Variants in ULK4 observed in about 807,000 individuals in gnomAD.
ULK4 encodes inactive serine/threonine-protein kinase ULK4.
Under a neutral mutation model 160.6 loss-of-function variants are expected in ULK4, and 133 were observed. The observed-to-expected ratio is 0.83, with a 90% CI of 0.72 to 0.96. The LOEUF (loss-of-function observed/expected upper bound fraction) is 0.96, where lower values mean the gene tolerates loss of function less well. Among genes scored for constraint, ULK4 ranks in the 40% least tolerant of loss-of-function variants. ULK4 has a pLI of 0.00. For missense variants in ULK4, 1,580 were observed against 1,499.5 expected (o/e 1.05, Z -0.89); for synonymous variants, 534 against 539.8 (o/e 0.99, Z 0.15).
chr3:41,943,124 A>G (rs1700010504), intron 2 of ULK4, among the ~76,000 whole-genome samples: 1 of 151,674 alleles, frequency 6.6e-6, no homozygotes, highest in African/African-American at 2.4e-5. Flanking sequence ...GAGGCAGCAG[A>G]ATGGCGTGAA....
intron 20 of ULK4, among the ~76,000 whole-genome samples, chr3:41,797,042 C>A (rs1300967113): frequency 6.6e-6 from 1 of 152,112 alleles, no homozygotes; most frequent in East Asian, 1.9e-4. Context: ...CACATTACAA[C>A]CCACTGAATA....
chr3:41,937,883 A>G (rs1161915374), intron 3 of ULK4: 2 of 348,262 alleles, frequency 5.7e-6, no homozygotes, highest in African/African-American at 2.1e-5. Context: ...TTTTATGTAT[A>G]TAACGTAATA....
intron 35 of ULK4, among the ~76,000 whole-genome samples, chr3:41,366,797 C>A (rs1399706521): frequency 6.6e-6 from 1 of 152,122 alleles, no homozygotes; most frequent in Non-Finnish European, 1.5e-5. Context: ...TCTCTCTATG[C>A]TGGGAGGGTA....
intron 16 of ULK4, among the ~76,000 whole-genome samples, 193 bp downstream of exon 16, chr3:41,895,325 T>C (rs1205035666): frequency 1.3e-5 from 2 of 152,140 alleles, no homozygotes; most frequent in East Asian, 3.8e-4. Flanking sequence ...TTTGTAATAT[T>C]AGGAGAAGGG....
chr3:41,953,905 C>T (rs1377551182), intron 2 of ULK4, among the ~76,000 whole-genome samples: 6 of 151,770 alleles, frequency 4.0e-5, no homozygotes, highest in East Asian at 1.9e-4. Context: ...AAAAATTGGC[C>T]GGGCGCGGTG....
intron 32 of ULK4, among the ~76,000 whole-genome samples, chr3:41,544,224 T>C (rs529917266): frequency 6.6e-6 from 1 of 152,320 alleles, no homozygotes; most frequent in Admixed American, 6.5e-5. Flanking sequence ...AGTGACACTT[T>C]TGTGCTAATA....
chr3:41,745,119 G>T (rs2038375274), intron 22 of ULK4, among the ~76,000 whole-genome samples: 2 of 150,986 alleles, frequency 1.3e-5, no homozygotes, highest in South Asian at 4.2e-4. Context: ...AAAAAGAAAA[G>T]GTTTCAAATC....
chr3:41,708,228 T>C (rs2036973235), intron 25 of ULK4, among the ~76,000 whole-genome samples: 1 of 152,050 alleles, frequency 6.6e-6, no homozygotes, highest in Non-Finnish European at 1.5e-5. Flanking sequence ...TGAAGAAATA[T>C]CTGCACTCCC....
chr3:41,328,665 G>C (rs989131774), intron 35 of ULK4, among the ~76,000 whole-genome samples: 1 of 152,136 alleles, frequency 6.6e-6, no homozygotes, highest in Non-Finnish European at 1.5e-5. Flanking sequence ...GAAAGGTGCT[G>C]AGCTTCCTGA....
chr3:41,926,443 T>A (rs1699387821), intron 5 of ULK4, among the ~76,000 whole-genome samples: 1 of 152,076 alleles, frequency 6.6e-6, no homozygotes, highest in East Asian at 1.9e-4. Flanking sequence ...CCTCTTCTCC[T>A]CCAAAGGATC....
intron 6 of ULK4, among the ~76,000 whole-genome samples, chr3:41,919,214 A>C (rs1699084408): frequency 6.6e-6 from 1 of 152,298 alleles, no homozygotes; most frequent in South Asian, 2.1e-4. Flanking sequence ...TATCATGAAA[A>C]ATTACCTATT....
At chr3:41,547,140 T>C (rs1039625124) in intron 32 of ULK4, among the ~76,000 whole-genome samples, 1 of 152,012 alleles carries the variant, frequency 6.6e-6, no homozygotes, top group African/African-American at 2.4e-5. Context: ...ATCATGAAAA[T>C]TGAACACAGA....
intron 35 of ULK4, among the ~76,000 whole-genome samples, chr3:41,335,422 C>G (rs1327536691): frequency 6.6e-6 from 1 of 151,998 alleles, no homozygotes; most frequent in Non-Finnish European, 1.5e-5. Flanking sequence ...ATAACTCCAT[C>G]TTCATATTAT....
intron 17 of ULK4, among the ~76,000 whole-genome samples, chr3:41,883,008 A>G (rs1301695732): frequency 1.3e-5 from 2 of 152,196 alleles, no homozygotes; most frequent in African/African-American, 2.4e-5. Context: ...GGAAAAATTT[A>G]GACTTTGTGG....
chr3:41,590,468 A>C (rs1316960417), intron 31 of ULK4, among the ~76,000 whole-genome samples: 1 of 144,774 alleles, frequency 6.9e-6, no homozygotes, highest in Non-Finnish European at 1.5e-5. Context: ...ATACAAAAAA[A>C]AAAAAAAAAA....
At chr3:41,916,741 C>T (rs967849618) in intron 7 of ULK4, among the ~76,000 whole-genome samples, 24 of 136,832 alleles carry the variant, frequency 1.8e-4, no homozygotes, top group Non-Finnish European at 2.3e-4. Context: ...GAGTTTCACT[C>T]TTCTTGCCCA....
At chr3:41,946,773 A>G (rs1700125276) in intron 2 of ULK4, among the ~76,000 whole-genome samples, 1 of 152,194 alleles carries the variant, frequency 6.6e-6, no homozygotes, top group Non-Finnish European at 1.5e-5. Flanking sequence ...CAAAGGGCCA[A>G]GAGATTTAAT....
At chr3:41,799,863 A>T (rs2040404741) in intron 20 of ULK4, among the ~76,000 whole-genome samples, 1 of 152,174 alleles carries the variant, frequency 6.6e-6, no homozygotes, top group South Asian at 2.1e-4. Flanking sequence ...ACTCTGTCTC[A>T]AAATAAATAA....
intron 34 of ULK4, among the ~76,000 whole-genome samples, chr3:41,449,881 T>C (rs1329574583): frequency 6.7e-6 from 1 of 148,506 alleles, no homozygotes; most frequent in African/African-American, 2.5e-5. Context: ...GTCTCCCAGT[T>C]ATCTAGTATA....
Sources: gnomAD v4.1 joint callset for allele counts (sites outside exome capture counted in the v4.1 genomes callset) on GRCh38, gnomAD v4.1.1 for gene constraint, MANE v1.5 for transcripts, NCBI Gene and HGNC (gene_info 2026-07-23, HGNC 2026-07-21) for gene names.